The following MIB2 variants were observed in gnomAD, a reference collection of about 807,000 sequenced individuals.
The protein encoded by MIB2 is MIB E3 ubiquitin protein ligase 2.
MIB2 carries 78 observed loss-of-function variants against 96.6 expected under a neutral mutation model. The ratio of observed to expected loss-of-function variants is 0.81; its 90% CI spans 0.67 to 0.97. The LOEUF is 0.97. Among genes scored for constraint, MIB2 ranks in the 50% least tolerant of loss-of-function variants. The pLI, the probability that MIB2 is intolerant of heterozygous loss-of-function variation, is 0.00. For synonymous variants in MIB2, 820 were observed against 629.5 expected (o/e 1.30, Z -4.53); for missense variants, 1,543 against 1,424.0 (o/e 1.08, Z -1.35).
intron 19 of MIB2, 139 bp downstream of exon 19, chr1:1,629,843 C>T (rs1229656068): frequency 1.0e-6 from 1 of 989,050 alleles, no homozygotes; most frequent in Non-Finnish European, 1.4e-6. Context: ...GGCTCACACC[C>T]GGCCCCCCAG....
At chr1:1,621,880 C>T (rs1644290003) in intron 2 of MIB2, among the ~76,000 whole-genome samples, 1 of 152,246 alleles carries the variant, frequency 6.6e-6, no homozygotes, top group Non-Finnish European at 1.5e-5. Flanking sequence ...CTGGGCTCCT[C>T]ACCGGGCCTT....
In MIB2 at chr1:1,616,550, C is replaced by T. The variant is rs576281318; in HGVS notation, c.-87C>T. 3.1e-6 allele frequency: 5 copies of T among 1,602,976 alleles called. No homozygotes were observed. Among genetic ancestry groups the T allele is most frequent in the African/African-American group, 2.7e-5 (2 of 74,498 alleles). ...GGCTAGAGGCCAGTCCCAAAGTTTC[C>T]AGGCATCAGGGCTGCAGCCCAGGAG... On this transcript the variant is annotated 5_prime_UTR_variant, in exon 2 of 20. It introduces an in-frame stop codon into an upstream open reading frame of the 5' UTR. Coordinates refer to ENST00000355826, the MANE Select transcript of MIB2 (RefSeq NM_001170687.4).
intron 5 of MIB2, 27 bp downstream of exon 5, chr1:1,624,928 A>AGGGCT (rs1309701782): frequency 6.2e-7 from 1 of 1,608,566 alleles, no homozygotes. Flanking sequence ...GGGCGGGGTC[A>AGGGCT]GGGCTGGGCT....
At chr1:1,621,373 C>G (rs902747748) in intron 2 of MIB2, among the ~76,000 whole-genome samples, 6 of 152,262 alleles carry the variant, frequency 3.9e-5, no homozygotes, top group Non-Finnish European at 8.8e-5. Context: ...GAGGGCAGAG[C>G]CAGCTGCCTT....
At chr1:1,623,098 G>A (rs1475042670) in intron 2 of MIB2, 1 of 477,364 alleles carries the variant, frequency 2.1e-6, no homozygotes, top group African/African-American at 2.1e-5. Context: ...TCATTAATTG[G>A]CTGTGGGAAG....
chr1:1,623,784 C>A lies in MIB2; in HGVS notation c.258C>A (p.His86Gln). ...LYDNAQIGVRHPNIICDCCKK... is the reference protein window; with the variant it reads ...LYDNAQIGVRQPNIICDCCKK... ...CCACCCCACCCCCAGGCGTCCGGCA[C>A]CCCAACATCATCTGTGACTGCTGCA... Residue 86 changes from histidine (H) to glutamine (Q), a missense_variant, in exon 4 of 20, where the codon CAC (histidine) becomes CAA (glutamine). Coordinates refer to ENST00000355826, the MANE Select transcript of MIB2 (RefSeq NM_001170687.4). 1 of 1,602,330 alleles carries A rather than the reference C, an allele frequency of 6.2e-7. No individual in the cohort carries two copies. The highest frequency in any genetic ancestry group is 8.5e-7 in the Non-Finnish European group (1 of 1,175,356).
chr1:1,630,557 G>A lies in MIB2; in HGVS notation c.*27G>A. The A allele has an allele frequency of 6.7e-7, 1 of 1,485,458 alleles. No homozygotes were observed. The highest frequency in any genetic ancestry group is 9.0e-7 in the Non-Finnish European group (1 of 1,108,520). The allele number at this position is 1,485,458 out of a possible 1,614,324, so 92.0% of individuals were successfully genotyped here. On this transcript the variant is annotated 3_prime_UTR_variant, in exon 20 of 20. Transcript: ENST00000355826. Reference sequence around the variant, plus strand: ...CCGCGCCGTCCGCCGCGCCCGAGCTGCCTTCGCGTGCCCCCGCCCTGTGTT... The same window carrying A: ...CCGCGCCGTCCGCCGCGCCCGAGCTACCTTCGCGTGCCCCCGCCCTGTGTT...
Position 1,628,332 on chromosome 1 carries a change from G to A in MIB2, c.1901G>A (p.Gly634Asp). Residue 634 changes from glycine (G) to aspartate (D), a missense_variant, in exon 15 of 20, where the codon GGC (glycine) becomes GAC (aspartate). Transcript: ENST00000355826. ...CTGGTGGACGCCAAGAAGGAGGACG[G>A]CTTCACGGCGCTGCATCTGGCTGCC... The part of the protein sequence containing the change: ...RQLVDAKKED[G>D]FTALHLAALN... 6.2e-7 allele frequency: 1 copy of A among 1,612,834 alleles called. No individual in the cohort carries two copies. Among genetic ancestry groups the A allele is most frequent in the South Asian group, 1.1e-5 (1 of 91,082 alleles).
At chr1:1,615,054 A>G, upstream of MIB2, 1 of 183,806 alleles carries the variant, frequency 5.4e-6, no homozygotes, top group Non-Finnish European at 1.1e-5. Flanking sequence ...ATGAGAAACT[A>G]GCAGTGCATT....
At chr1:1,628,844 G>T in intron 16 of MIB2, 122 bp downstream of exon 16, 1 of 949,134 alleles carries the variant, frequency 1.1e-6, no homozygotes, top group South Asian at 1.7e-5. Context: ...CAGGCGTTCT[G>T]GGGGTGGAGC....
At position 1,625,700 on chromosome 1, in the gene MIB2, C is replaced by T. The variant is rs145455221; in HGVS notation, c.972+47C>T. On this transcript the variant is annotated intron_variant, in intron 8 of 19. Coordinates refer to ENST00000355826, the MANE Select transcript of MIB2 (RefSeq NM_001170687.4). This position sits in a 1 kb window ranked among gnomAD's most constrained non-coding sequence, Gnocchi z 5.0. Reference sequence around the variant, plus strand: ...GCCTCATCTGCTTGCTTCTGTAACCCCTTCCACGTACCCCCTTGGCCTTGG... The same window carrying T: ...GCCTCATCTGCTTGCTTCTGTAACCTCTTCCACGTACCCCCTTGGCCTTGG... 12 of 1,474,742 alleles carry T rather than the reference C, an allele frequency of 8.1e-6. No homozygotes were observed. Among genetic ancestry groups the T allele is most frequent in the Non-Finnish European group, 1.1e-5 (12 of 1,080,916 alleles). 91.4% of individuals were successfully genotyped at this position (1,474,742 alleles called of 1,614,324 possible).
Position 1,625,633 on chromosome 1 carries a change from C to T in MIB2, c.952C>T (p.His318Tyr). The T allele has an allele frequency of 6.4e-7, 1 of 1,563,670 alleles. No homozygotes were observed. The highest frequency in any genetic ancestry group is 1.2e-5 in the South Asian group (1 of 85,090). The change falls in exon 8 of 20, where the codon CAC becomes TAC. Residue 318 changes from histidine (H) to tyrosine (Y), a missense_variant. Coordinates refer to ENST00000355826, the MANE Select transcript of MIB2 (RefSeq NM_001170687.4). This position sits in a 1 kb window ranked among gnomAD's most constrained non-coding sequence, Gnocchi z 5.0. ...QFNHETRWTFHPGALTKHHSF... is the reference protein window; with the variant it reads ...QFNHETRWTFYPGALTKHHSF... Reference sequence around the variant, plus strand: ...CAACCACGAGACGCGCTGGACCTTCCACCCCGGGGCGCTCACCAAGGTGCC... The same window carrying T: ...CAACCACGAGACGCGCTGGACCTTCTACCCCGGGGCGCTCACCAAGGTGCC...
chr1:1,623,007 G>T, intron 2 of MIB2: 1 of 290,448 alleles, frequency 3.4e-6, no homozygotes, highest in South Asian at 6.6e-5. Context: ...CACGGTGTCT[G>T]CTCACTTGCC....
In MIB2 at chr1:1,628,198, C is replaced by A. The variant is rs1005341696; in HGVS notation, c.1841+19C>A. The A allele has an allele frequency of 1.2e-6, 2 of 1,612,372 alleles. No homozygotes were observed. The highest frequency in any genetic ancestry group is 2.7e-5 in the African/African-American group (2 of 74,936). Reference sequence around the variant, plus strand: ...ACGCGCTGTGAGTGTGGGGTGGGCACACAGCTGCAGCCGGCCTCTTGCTGT... The same window carrying A: ...ACGCGCTGTGAGTGTGGGGTGGGCAAACAGCTGCAGCCGGCCTCTTGCTGT... On this transcript the variant is annotated intron_variant, in intron 14 of 19. Coordinates refer to ENST00000355826, the MANE Select transcript of MIB2 (RefSeq NM_001170687.4).
chr1:1,619,256 TC>T (rs1355681073), intron 2 of MIB2: 1 of 152,314 alleles, frequency 6.6e-6, no homozygotes. Context: ...ACGCCTGTAG[TC>T]CCAGCTACTC....
chr1:1,616,889 C>G (rs1557551226), intron 2 of MIB2: 1 of 394,836 alleles, frequency 2.5e-6, no homozygotes, highest in South Asian at 2.7e-5. Flanking sequence ...CGGGAGGCCC[C>G]CTTTGTCCGG....
Position 1,625,447 on chromosome 1 carries a change from G to T in MIB2, c.864+19G>T. On this transcript the variant is annotated intron_variant, in intron 7 of 19. Coordinates refer to ENST00000355826, the MANE Select transcript of MIB2 (RefSeq NM_001170687.4). The surrounding 1 kb of genome is among the most constrained non-coding windows in gnomAD (Gnocchi z 5.0). The stretch of plus-strand genomic sequence containing the variant: ...GGCGGAGGTGAGCCGCCCCGCCGTG[G>T]AGCCCTGTGTGCCCTGCCCTCCCAG... The T allele has an allele frequency of 6.4e-7, 1 of 1,564,202 alleles. No individual in the cohort carries two copies. Among genetic ancestry groups the T allele is most frequent in the East Asian group, 2.4e-5 (1 of 41,806 alleles).
chr1:1,629,158 G>T lies in MIB2; in HGVS notation c.2228G>T (p.Ser743Ile), dbSNP rs1238043632. Residue 743 changes from serine to isoleucine, a missense_variant, in exon 17 of 20, where the codon AGC (serine) becomes ATC (isoleucine). Physicochemically the swap from Ser to Ile is moderately radical, Grantham distance 142. Coordinates refer to ENST00000355826, the MANE Select transcript of MIB2 (RefSeq NM_001170687.4). ...CTACAGGCCTCGGGCCTCCCCGGCA[G>T]CGCGGAGCTGACGGTGGGCGCGGCG... is the stretch of plus-strand genomic sequence containing the variant. ...SRLQASGLPG[S>I]AELTVGAAVA... 6.7e-7 allele frequency: 1 copy of T among 1,501,586 alleles called. No homozygotes were observed. The highest frequency in any genetic ancestry group is 2.1e-5 in the Admixed American group (1 of 46,864). The allele number at this position is 1,501,586 out of a possible 1,614,324, so 93.0% of individuals were successfully genotyped here. A position where few individuals can be genotyped will look rare whatever the true frequency, so the allele number is the denominator to read the frequency against.
intron 1 of MIB2, chr1:1,616,158 C>T (rs1643629872): frequency 1.0e-6 from 1 of 954,640 alleles, no homozygotes; most frequent in Middle Eastern, 5.4e-4. Context: ...CCTCCGCGAG[C>T]CACGGGCACG....
Sources: gnomAD v4.1 joint callset for allele counts (sites outside exome capture counted in the v4.1 genomes callset) on GRCh38, gnomAD v4.1.1 for gene constraint, Gnocchi (gnomAD v3.1) non-coding constraint, MANE v1.5 for transcripts, NCBI Gene and HGNC (gene_info 2026-07-23, HGNC 2026-07-21) for gene names.